Variants in FRMD4B observed in about 807,000 individuals in gnomAD.
FRMD4B encodes the protein FERM domain containing 4B.
Under a neutral mutation model 141.5 loss-of-function variants are expected in FRMD4B, and 74 were observed. That is an observed-to-expected ratio of 0.52 (90% CI 0.43 to 0.63). The LOEUF is 0.63. Among genes scored for constraint, FRMD4B ranks in the 30% least tolerant of loss-of-function variants. FRMD4B has a pLI of 0.00. For synonymous variants in FRMD4B, 506 were observed against 467.9 expected, an observed-to-expected ratio of 1.08 and a Z score of -1.05; for missense variants, 1,366 against 1,253.4, an observed-to-expected ratio of 1.09 and a Z score of -1.36.
At chr3:69,220,901 A>T (rs1478882812) in intron 9 of FRMD4B, among the ~76,000 whole-genome samples, 1 of 152,094 alleles carries the variant, frequency 6.6e-6, no homozygotes, top group Non-Finnish European at 1.5e-5. Flanking sequence ...GAAAATCTAC[A>T]ATCTCCAAGC....
intron 7 of FRMD4B, among the ~76,000 whole-genome samples, chr3:69,230,979 C>T (rs1402011035): frequency 6.6e-6 from 1 of 152,098 alleles, no homozygotes; most frequent in Non-Finnish European, 1.5e-5. Context: ...CCAAAACAAA[C>T]AAAATGAAAC....
At chr3:69,476,590 T>A (rs1300541712) in intron 1 of FRMD4B, among the ~76,000 whole-genome samples, 1 of 152,218 alleles carries the variant, frequency 6.6e-6, no homozygotes, top group African/African-American at 2.4e-5. Flanking sequence ...AGTACCCTGC[T>A]GTTTTGGTTA....
intron 1 of FRMD4B, chr3:69,471,619 T>G (rs1360823301): frequency 5.4e-6 from 1 of 183,978 alleles, no homozygotes; most frequent in African/African-American, 2.4e-5. Context: ...GTTTTCCTTT[T>G]TTCCCCCCCA....
intron 8 of FRMD4B, among the ~76,000 whole-genome samples, chr3:69,223,568 G>A (rs1280260723): frequency 6.6e-6 from 1 of 152,014 alleles, no homozygotes; most frequent in Non-Finnish European, 1.5e-5. Context: ...GTCGGGCCCG[G>A]TGGCTCACAC....
At chr3:69,540,191 A>AT (rs1701151340) in intron 1 of FRMD4B, among the ~76,000 whole-genome samples, 1 of 151,274 alleles carries the variant, frequency 6.6e-6, no homozygotes, top group Non-Finnish European at 1.5e-5. Context: ...CGAAGGAAAA[A>AT]AAAAGGAAGA....
intron 22 of FRMD4B, among the ~76,000 whole-genome samples, chr3:69,174,572 C>T (rs2092623116): frequency 6.6e-6 from 1 of 152,120 alleles, no homozygotes; most frequent in Non-Finnish European, 1.5e-5. Context: ...CATACACAAA[C>T]ACACAATAGG....
At chr3:69,242,443 T>C (rs2093391229) in intron 7 of FRMD4B, among the ~76,000 whole-genome samples, 1 of 146,434 alleles carries the variant, frequency 6.8e-6, no homozygotes, top group African/African-American at 2.5e-5. Flanking sequence ...CTCCAGGGCA[T>C]CCAAAGAAAT....
intron 4 of FRMD4B, among the ~76,000 whole-genome samples, chr3:69,298,165 T>C (rs1284101867): frequency 6.6e-6 from 1 of 152,222 alleles, no homozygotes; most frequent in East Asian, 1.9e-4. Flanking sequence ...TATGCTACAT[T>C]TCAGTAGAGA....
chr3:69,322,631 C>G (rs914634225), intron 1 of FRMD4B, among the ~76,000 whole-genome samples: 1 of 133,642 alleles, frequency 7.5e-6, no homozygotes, highest in African/African-American at 2.9e-5. Context: ...GGGTCTTGCT[C>G]TGTTGCCCAG....
At chr3:69,468,376 C>G (rs989442701) in intron 1 of FRMD4B, among the ~76,000 whole-genome samples, 9 of 152,086 alleles carry the variant, frequency 5.9e-5, no homozygotes. Context: ...GCCTACCCAT[C>G]ACTCATTTCC....
chr3:69,463,563 A>G (rs561611079), intron 1 of FRMD4B, among the ~76,000 whole-genome samples: 11 of 152,322 alleles, frequency 7.2e-5, no homozygotes, highest in Non-Finnish European at 1.3e-4. Context: ...TAGGATAGCT[A>G]TTATCTTTGG....
chr3:69,175,619 G>A (rs76552922), intron 22 of FRMD4B, among the ~76,000 whole-genome samples: 9,074 of 151,988 alleles, frequency 0.06, 405 homozygotes, highest in Non-Finnish European at 0.089. Context: ...TTTCCTGCAA[G>A]GTTTCAAAAG....
intron 1 of FRMD4B, among the ~76,000 whole-genome samples, chr3:69,492,669 G>C (rs1378948531): frequency 6.6e-6 from 1 of 152,162 alleles, no homozygotes; most frequent in Non-Finnish European, 1.5e-5. Flanking sequence ...TACCTGATTT[G>C]TAATTTCAGA....
At chr3:69,242,701 A>C (rs2106720083) in intron 7 of FRMD4B, among the ~76,000 whole-genome samples, 1 of 150,488 alleles carries the variant, frequency 6.6e-6, no homozygotes, top group South Asian at 2.1e-4. Context: ...TTAGGAAAAA[A>C]AAAAAAAGGC....
chr3:69,277,760 A>C (rs1478051188), intron 5 of FRMD4B, among the ~76,000 whole-genome samples: 1 of 151,720 alleles, frequency 6.6e-6, no homozygotes, highest in Admixed American at 6.6e-5. Context: ...TCAATCTCCT[A>C]ACCTTGTGAT....
chr3:69,443,389 T>C (rs9866107), intron 1 of FRMD4B, among the ~76,000 whole-genome samples: 51,185 of 152,062 alleles, frequency 0.34, 8,791 homozygotes, highest in African/African-American at 0.39. Context: ...CATCTGGCTG[T>C]TTGTCTGTAT....
intron 4 of FRMD4B, among the ~76,000 whole-genome samples, chr3:69,294,956 C>T (rs531888081): frequency 6.6e-6 from 1 of 152,136 alleles, no homozygotes; most frequent in Non-Finnish European, 1.5e-5. Flanking sequence ...CAGACCCAAG[C>T]CAGACAATCC....
chr3:69,241,255 C>T (rs961408794), intron 7 of FRMD4B, among the ~76,000 whole-genome samples: 1 of 152,204 alleles, frequency 6.6e-6, no homozygotes, highest in African/African-American at 2.4e-5. Flanking sequence ...AATGCAGAAG[C>T]CTGACTCCTA....
chr3:69,361,153 A>T (rs1162296280), intron 1 of FRMD4B, among the ~76,000 whole-genome samples: 1 of 151,928 alleles, frequency 6.6e-6, no homozygotes, highest in Non-Finnish European at 1.5e-5. Context: ...CATTAAAGTT[A>T]TTTTCTTTTT....
Sources: allele counts gnomAD v4.1 joint callset (sites outside exome capture counted in the v4.1 genomes callset), GRCh38; gene constraint gnomAD v4.1.1; transcripts MANE v1.5; gene names NCBI Gene and HGNC (gene_info 2026-07-23, HGNC 2026-07-21).